The following COPA variants were observed in gnomAD, a reference collection of about 807,000 sequenced individuals.
COPA encodes coatomer subunit alpha.
Under a neutral mutation model 158.7 loss-of-function variants are expected in COPA, and 10 were observed. That is an observed-to-expected ratio of 0.06 (90% confidence interval 0.04 to 0.11). The LOEUF is 0.11. Ranked by LOEUF, COPA falls within the 10% of genes least tolerant of loss-of-function variation. COPA has a pLI of 1.00. For synonymous variants in COPA, 462 were observed against 542.8 expected (o/e 0.85, Z 2.07); for missense variants, 1,065 against 1,536.7 (o/e 0.69, Z 5.13).
chr1:160,290,525 A>G lies in COPA; in HGVS notation c.3582T>C (p.Pro1194=). The change falls in exon 32 of 33, where the codon CCT becomes CCC. Residue 1194 remains proline, a synonymous_variant. Transcript: ENST00000241704. ...KCPLSGACYS[P]EFKGQICRVT... The stretch of plus-strand genomic sequence containing the variant: ...CCCTGCAGATTTGACCTTTGAACTC[A>G]GGGGAATAGCAGGCCCCACTGAGTG... 6.2e-7 allele frequency: 1 copy of G among 1,614,216 alleles called. No individual in the cohort carries two copies. Among genetic ancestry groups the G allele is most frequent in the Non-Finnish European group, 8.5e-7 (1 of 1,180,014 alleles).
At chr1:160,297,229 TA>T in intron 21 of COPA, 113 bp downstream of exon 21, 18 of 946,226 alleles carry the variant, frequency 1.9e-5, no homozygotes, top group Non-Finnish European at 2.5e-5. Context: ...TTGTCTCTCC[TA>T]AAAAAATGCA....
At chr1:160,293,046 A>T in intron 27 of COPA, 120 bp downstream of exon 27, 1 of 1,034,994 alleles carries the variant, frequency 9.7e-7, no homozygotes. Context: ...AAGAGTTTTC[A>T]TGAAAAATAT....
chr1:160,293,611 C>T, intron 25 of COPA, 148 bp from the exon 26 acceptor site: 3 of 641,694 alleles, frequency 4.7e-6, no homozygotes, highest in Middle Eastern at 4.3e-4. Flanking sequence ...CCTCCAACCT[C>T]AGCTTCCCGA....
At chr1:160,293,283 C>T in intron 26 of COPA, 49 bp from the exon 27 acceptor site, 2 of 1,612,668 alleles carry the variant, frequency 1.2e-6, no homozygotes, top group South Asian at 2.2e-5. Flanking sequence ...TGTCCCTTCT[C>T]TATTCTCCTC....
At chr1:160,300,094 C>T (rs1658546930) in intron 17 of COPA, among the ~76,000 whole-genome samples, 1 of 152,064 alleles carries the variant, frequency 6.6e-6, no homozygotes, top group Non-Finnish European at 1.5e-5. Flanking sequence ...AATCCCAGCA[C>T]TTTGGGAGGC....
At chr1:160,339,089 A>G (rs1647914172) in intron 3 of COPA, among the ~76,000 whole-genome samples, 1 of 128,148 alleles carries the variant, frequency 7.8e-6, no homozygotes, top group Non-Finnish European at 1.5e-5. Context: ...GACCTAAACT[A>G]GAAGCCTGAA....
chr1:160,317,388 A>C, intron 8 of COPA: 1 of 1,603,376 alleles, frequency 6.2e-7, no homozygotes, highest in Non-Finnish European at 8.5e-7. Context: ...CCCCGGGTGA[A>C]GCCACTGTCA....
At chr1:160,324,155 C>T (rs1411319953) in intron 7 of COPA, among the ~76,000 whole-genome samples, 1 of 152,134 alleles carries the variant, frequency 6.6e-6, no homozygotes. Flanking sequence ...GCCACTGCGC[C>T]CGCCCGAAAA....
chr1:160,291,702 G>A, intron 30 of COPA, 117 bp downstream of exon 30: 1 of 1,170,150 alleles, frequency 8.5e-7, no homozygotes, highest in South Asian at 1.4e-5. Flanking sequence ...TAGAAATGAA[G>A]GGCCTAAATT....
In COPA at chr1:160,290,570, T is replaced by C. The variant is rs1212948156; in HGVS notation, c.3537A>G (p.Gly1179=). Residue 1179 remains glycine (G), a synonymous_variant, in exon 32 of 33, where the codon GGA becomes GGG. Coordinates refer to ENST00000241704, the MANE Select transcript of COPA (RefSeq NM_004371.4). ...CAASYRPIYR[G]KPVEKCPLSG... ...TGAGTGGACACTTTTCTACTGGCTT[T>C]CCACGGTAGATGGGCCGATATGATG... 1 of 1,614,222 alleles carries C rather than the reference T, an allele frequency of 6.2e-7. No individual in the cohort carries two copies. The highest frequency in any genetic ancestry group is 1.7e-5 in the Admixed American group (1 of 60,022).
chr1:160,317,607 G>A lies in COPA; in HGVS notation c.707-3482C>T. On this transcript the variant is annotated intron_variant, in intron 8 of 32. Coordinates refer to ENST00000241704, the MANE Select transcript of COPA (RefSeq NM_004371.4). The stretch of plus-strand genomic sequence containing the variant: ...CATTCAGGTTTCTCTTTGAGGGTCA[G>A]AGAATTGCTGATAATCATACTCCAA... 5 of 1,556,376 alleles carry A rather than the reference G, an allele frequency of 3.2e-6. No individual in the cohort carries two copies. In the South Asian group the frequency reaches 4.5e-5, roughly 14 times the overall value.
chr1:160,295,619 T>C (rs1452633182), intron 23 of COPA, 117 bp downstream of exon 23: 2 of 1,019,898 alleles, frequency 2.0e-6, no homozygotes, highest in African/African-American at 3.3e-5. Flanking sequence ...ATTTCAATAT[T>C]CCATTAGGCT....
intron 17 of COPA, among the ~76,000 whole-genome samples, chr1:160,303,848 G>A (rs1386960653): frequency 6.6e-6 from 1 of 152,074 alleles, no homozygotes. Flanking sequence ...GATTTGAACA[G>A]AATTCACATA....
At chr1:160,319,200 T>C (rs1446476251) in intron 8 of COPA, among the ~76,000 whole-genome samples, 2 of 151,896 alleles carry the variant, frequency 1.3e-5, no homozygotes, top group East Asian at 3.9e-4. Context: ...AGATATTCCA[T>C]GAAACTGGAA....
chr1:160,311,958 T>C lies in COPA; in HGVS notation c.986A>G (p.His329Arg). 2 of 1,614,042 alleles carry C rather than the reference T, an allele frequency of 1.2e-6. No individual in the cohort carries two copies. The highest frequency in any genetic ancestry group is 1.7e-6 in the Non-Finnish European group (2 of 1,179,996). ...CTTGACATAGTGTAGCATATTGCCA[T>C]GAACAGCATAGGCTGGCCGTTCCCG... Reference protein sequence around the residue: ...LERERPAYAVHGNMLHYVKDR... With the variant: ...LERERPAYAVRGNMLHYVKDR... Residue 329 changes from histidine (H) to arginine (R), a missense_variant, in exon 11 of 33, where the codon CAT (histidine) becomes CGT (arginine). Coordinates refer to ENST00000241704, the MANE Select transcript of COPA (RefSeq NM_004371.4).
chr1:160,290,333 T>G, intron 32 of COPA, 117 bp from the exon 33 acceptor site: 1 of 1,396,406 alleles, frequency 7.2e-7, no homozygotes, highest in Non-Finnish European at 1.0e-6. Flanking sequence ...TGTTCATCAC[T>G]GACTGGCCAA....
chr1:160,294,853 C>T lies in COPA; in HGVS notation c.2481G>A (p.Lys827=). The T allele has an allele frequency of 5.6e-6, 9 of 1,614,074 alleles. No individual in the cohort carries two copies. Among genetic ancestry groups the T allele is most frequent in the Non-Finnish European group, 7.6e-6 (9 of 1,179,916 alleles). Residue 827 remains lysine (K), a synonymous_variant, in exon 24 of 33, where the codon AAG becomes AAA. Coordinates refer to ENST00000241704, the MANE Select transcript of COPA (RefSeq NM_004371.4). The stretch of plus-strand genomic sequence containing the variant: ...CAATGTCAGCAGCCAGTGCTCCTCC[C>T]TTCCCTACAGAGGGAAGGAACAGAA... The part of the protein sequence containing the change: ...FFEGTIASKG[K]GGALAADIDI...
intron 19 of COPA, among the ~76,000 whole-genome samples, chr1:160,298,479 G>A (rs939849700): frequency 2.0e-4 from 30 of 152,188 alleles, no homozygotes; most frequent in African/African-American, 7.0e-4. Context: ...AGAAAACAAT[G>A]CCTATACATT....
At chr1:160,299,325 G>A (rs1472728198) in intron 17 of COPA, 61 bp from the exon 18 acceptor site, 16 of 1,502,442 alleles carry the variant, frequency 1.1e-5, no homozygotes, top group South Asian at 8.6e-5. Flanking sequence ...GTGAAGAAAC[G>A]GAACAAACCT....
Sources: allele counts gnomAD v4.1 joint callset (sites outside exome capture counted in the v4.1 genomes callset), GRCh38; gene constraint gnomAD v4.1.1; transcripts MANE v1.5; gene names NCBI Gene and HGNC (gene_info 2026-07-23, HGNC 2026-07-21).